The following GPR21 variants were observed in gnomAD, a reference collection of about 807,000 sequenced individuals.
GPR21 encodes G protein-coupled receptor 21.
GPR21 carries 9 observed loss-of-function variants against 21.5 expected under a neutral mutation model. The ratio of observed to expected loss-of-function variants is 0.42; its 90% CI spans 0.25 to 0.73. The LOEUF is 0.73. Ranked by LOEUF, GPR21 falls within the 30% of genes least tolerant of loss-of-function variation. The pLI, the probability that GPR21 is intolerant of heterozygous loss-of-function variation, is 0.27. For synonymous variants in GPR21, 169 were observed against 159.3 expected, an observed-to-expected ratio of 1.06 and a Z score of -0.46; for missense variants, 416 against 428.9, an observed-to-expected ratio of 0.97 and a Z score of 0.27.
rs958462957 is a variant in GPR21, at chr9:123,034,489, A to G, written c.-78A>G. ...TTACACACATGCAAAGCTGACCGCA[A>G]TGACAGCAGCTGCTTCTTTGAACTG... On this transcript the variant is annotated 5_prime_UTR_variant, in exon 2 of 2. An upstream start codon of the reference 5' UTR is lost. Coordinates refer to ENST00000616002, the MANE Select transcript of GPR21 (RefSeq NM_005294.3). 20 of 873,300 alleles carry G rather than the reference A, an allele frequency of 2.3e-5. No homozygotes were observed. Among genetic ancestry groups the G allele is most frequent in the Middle Eastern group, 3.5e-4 (1 of 2,886 alleles). 54.1% of individuals were successfully genotyped at this position (873,300 alleles called of 1,614,324 possible).
chr9:123,044,145 C>T, the GPR21 span, among the ~76,000 whole-genome samples: 21 of 152,098 alleles, frequency 1.4e-4, no homozygotes, highest in African/African-American at 3.6e-4. Context: ...CCTCGTGATC[C>T]GCCCATCTCG....
Position 123,035,638 on chromosome 9 carries a change from C to T in GPR21, c.*22C>T, listed in dbSNP as rs1554721624. ...CTGAAGTGGCTCAGTTACGGGGTTC[C>T]CGTGTGTGTGTGTGTGTGTGTGTGT... On this transcript the variant is annotated 3_prime_UTR_variant, in exon 2 of 2. Transcript: ENST00000616002. 7.8e-6 allele frequency: 9 copies of T among 1,159,098 alleles called. No homozygotes were observed. The highest frequency in any genetic ancestry group is 1.1e-5 in the Non-Finnish European group (9 of 819,110). The allele number at this position is 1,159,098 out of a possible 1,614,324, so 71.8% of individuals were successfully genotyped here. A position where few individuals can be genotyped will look rare whatever the true frequency, so the allele number is the denominator to read the frequency against.
downstream of GPR21, among the ~76,000 whole-genome samples, chr9:123,038,396 C>T (rs1226054040): frequency 6.6e-6 from 1 of 151,968 alleles, no homozygotes; most frequent in African/African-American, 2.4e-5. Context: ...ATGCATTGCC[C>T]ACCTCCTTGA....
the GPR21 span, among the ~76,000 whole-genome samples, chr9:123,045,580 GTAATCT>G: frequency 1.3e-5 from 2 of 152,086 alleles, no homozygotes; most frequent in Non-Finnish European, 2.9e-5. Context: ...AGTTAATTAG[GTAATCT>G]TAATCTGTCT....
At chr9:123,039,944 G>T (rs532456184), downstream of GPR21, among the ~76,000 whole-genome samples, 186 of 152,220 alleles carry the variant, frequency 1.2e-3, no homozygotes, top group Non-Finnish European at 1.9e-3. Context: ...CCAGAAAGAA[G>T]TATTTCCTTG....
the GPR21 span, among the ~76,000 whole-genome samples, chr9:123,048,964 A>C: frequency 6.6e-6 from 1 of 152,236 alleles, no homozygotes; most frequent in Non-Finnish European, 1.5e-5. Flanking sequence ...CCTAAAAGGA[A>C]ATGAACATAG....
the GPR21 span, among the ~76,000 whole-genome samples, chr9:123,046,802 T>C: frequency 1.3e-5 from 2 of 152,176 alleles, no homozygotes; most frequent in Non-Finnish European, 2.9e-5. Flanking sequence ...AGGGATTTAA[T>C]TCTATTTAGG....
chr9:123,046,467 G>C, the GPR21 span, among the ~76,000 whole-genome samples: 5 of 152,206 alleles, frequency 3.3e-5, no homozygotes, highest in Non-Finnish European at 7.4e-5. Context: ...GTATGTGCTT[G>C]AGAGGCAGAC....
At chr9:123,048,314 A>C in the GPR21 span, among the ~76,000 whole-genome samples, 1 of 152,180 alleles carries the variant, frequency 6.6e-6, no homozygotes, top group African/African-American at 2.4e-5. Flanking sequence ...AGAGAAGCTA[A>C]CTTTGTAAAG....
At position 123,035,241 on chromosome 9, in the gene GPR21, C is replaced by T; in HGVS notation, c.675C>T (p.Ile225=). The T allele has an allele frequency of 1.9e-6, 3 of 1,614,192 alleles. No homozygotes were observed. The highest frequency in any genetic ancestry group is 2.5e-6 in the Non-Finnish European group (3 of 1,180,032). Residue 225 remains isoleucine, a synonymous_variant, in exon 2 of 2, where the codon ATC becomes ATT. Coordinates refer to ENST00000616002, the MANE Select transcript of GPR21 (RefSeq NM_005294.3). ...FRICQQHTKD[I]SERQARFSSQ... is the part of the protein sequence containing the mutation. ...TCTGCCAACAGCACACAAAGGATAT[C>T]AGCGAAAGGCAAGCCCGCTTCAGCA...
At chr9:123,037,866 A>G (rs112127063), downstream of GPR21, among the ~76,000 whole-genome samples, 620 of 152,222 alleles carry the variant, frequency 4.1e-3, 9 homozygotes, top group African/African-American at 0.014. Flanking sequence ...TTAATGCAAC[A>G]TTTGATGACA....
chr9:123,042,846 A>C, the GPR21 span, among the ~76,000 whole-genome samples: 4 of 152,226 alleles, frequency 2.6e-5, no homozygotes, highest in African/African-American at 9.6e-5. Context: ...TGTAATAAAA[A>C]GATTCACATG....
downstream of GPR21, among the ~76,000 whole-genome samples, chr9:123,037,716 C>T (rs996073419): frequency 6.6e-6 from 1 of 151,930 alleles, no homozygotes; most frequent in African/African-American, 2.4e-5. Context: ...CAGGTTTGAT[C>T]TTATTTTGTT....
In GPR21 at chr9:123,034,190, T is replaced by G. The variant is rs1198839251; in HGVS notation, c.-377T>G. 2 of 239,444 alleles carry G rather than the reference T, an allele frequency of 8.4e-6. No homozygotes were observed. The highest frequency in any genetic ancestry group is 2.3e-5 in the African/African-American group (1 of 44,194). 14.8% of individuals were successfully genotyped at this position (239,444 alleles called of 1,614,324 possible). A position where few individuals can be genotyped will look rare whatever the true frequency, so the allele number is the denominator to read the frequency against. On this transcript the variant is annotated 5_prime_UTR_variant, in exon 2 of 2. The change creates a new upstream start codon in the 5' untranslated region. Transcript: ENST00000616002. ...TATCAGCTGTTCAGAGGAGACTCATTACAACTCCTGCTGAAGCTCCTAATC... is the reference window on the plus strand; with the variant it reads ...TATCAGCTGTTCAGAGGAGACTCATGACAACTCCTGCTGAAGCTCCTAATC...
At chr9:123,048,532 A>G in the GPR21 span, among the ~76,000 whole-genome samples, 4 of 152,246 alleles carry the variant, frequency 2.6e-5, no homozygotes, top group Non-Finnish European at 5.9e-5. Flanking sequence ...CAAATAGTAC[A>G]AGTCAAACAA....
At chr9:123,043,879 C>T in the GPR21 span, among the ~76,000 whole-genome samples, 1 of 150,990 alleles carries the variant, frequency 6.6e-6, no homozygotes. Flanking sequence ...GACCTTTTCA[C>T]TTACGTAGGT....
chr9:123,044,626 C>CGTGT, the GPR21 span, among the ~76,000 whole-genome samples: 1,913 of 149,058 alleles, frequency 0.013, 22 homozygotes, highest in Admixed American at 0.049. Context: ...AACACACGTA[C>CGTGT]GTGTGTGTGT....
At chr9:123,040,361 G>C (rs2032893254), downstream of GPR21, among the ~76,000 whole-genome samples, 1 of 152,176 alleles carries the variant, frequency 6.6e-6, no homozygotes, top group East Asian at 1.9e-4. Flanking sequence ...ATATTTATGG[G>C]AAGCCAAACT....
At chr9:123,047,943 T>G in the GPR21 span, among the ~76,000 whole-genome samples, 32 of 95,306 alleles carry the variant, frequency 3.4e-4, no homozygotes, top group African/African-American at 1.3e-3. Flanking sequence ...TTTTTTTTTT[T>G]TTTTTTTTTT....
Sources: gnomAD v4.1 joint callset for allele counts (sites outside exome capture counted in the v4.1 genomes callset) on GRCh38, gnomAD v4.1.1 for gene constraint, MANE v1.5 for transcripts, NCBI Gene and HGNC (gene_info 2026-07-23, HGNC 2026-07-21) for gene names.